The following RASAL2 variants were observed in gnomAD, a reference collection of about 807,000 sequenced individuals.
The protein encoded by RASAL2 is ras GTPase-activating protein nGAP.
In RASAL2, 58 loss-of-function variants were observed where a neutral mutation model predicts 128.9. The observed-to-expected ratio is 0.45, with a 90% confidence interval of 0.36 to 0.56. The LOEUF (loss-of-function observed/expected upper bound fraction) is 0.56. Among genes scored for constraint, RASAL2 ranks in the 20% least tolerant of loss-of-function variants. The pLI, the probability that RASAL2 is intolerant of heterozygous loss-of-function variation, is 0.00. For synonymous variants in RASAL2, 561 were observed against 580.8 expected, an observed-to-expected ratio of 0.97 and a Z score of 0.49; for missense variants, 1,360 against 1,601.6, an observed-to-expected ratio of 0.85 and a Z score of 2.57.
At chr1:178,422,283 T>C (rs970363203) in intron 5 of RASAL2, among the ~76,000 whole-genome samples, 9 of 152,114 alleles carry the variant, frequency 5.9e-5, no homozygotes, top group Non-Finnish European at 1.0e-4. Flanking sequence ...GAGTCTCTTG[T>C]ATTTCTATTA....
chr1:178,313,192 T>C (rs1020697588), intron 3 of RASAL2, among the ~76,000 whole-genome samples: 10 of 152,162 alleles, frequency 6.6e-5, no homozygotes, highest in Non-Finnish European at 2.9e-5. Context: ...TGTAACTATA[T>C]AGGGAAGGTG....
chr1:178,135,496 T>TAAAAAA lies in RASAL2; in HGVS notation c.202+40817_202+40822dup, dbSNP rs1207102103. On this transcript the variant is annotated intron_variant, in intron 1 of 17. Transcript: ENST00000367649. ...GAATGTTGAAAATCTTGTCTCTTCA[T>TAAAAAA]AAAAAAAAAAAAAAAAAAAAGCCAT... is the stretch of plus-strand genomic sequence containing the variant. 4.6e-4 allele frequency among the ~76,000 whole-genome samples: 53 copies of TAAAAAA among 116,254 alleles called. 1 individual carries two copies. Among genetic ancestry groups the TAAAAAA allele is most frequent in the Middle Eastern group, 5.6e-3 (1 of 178 alleles). The allele number at this position is 116,254 out of a possible 152,430, so 76.3% of individuals were successfully genotyped here.
At chr1:178,297,446 A>T (rs76617541) in intron 2 of RASAL2, among the ~76,000 whole-genome samples, 2 of 144,132 alleles carry the variant, frequency 1.4e-5, no homozygotes, top group African/African-American at 2.5e-5. Context: ...TACTAAAAAT[A>T]AAAAAAAAAA....
At chr1:178,150,218 G>A (rs182839725) in intron 1 of RASAL2, among the ~76,000 whole-genome samples, 25 of 151,512 alleles carry the variant, frequency 1.7e-4, no homozygotes, top group Admixed American at 2.6e-4. Context: ...TTTTTGCGAC[G>A]GAGTCTCACT....
chr1:178,212,323 ATAAC>A (rs1434081237), intron 1 of RASAL2, among the ~76,000 whole-genome samples: 1 of 152,244 alleles, frequency 6.6e-6, no homozygotes, highest in Non-Finnish European at 1.5e-5. Context: ...ACAAGCATAA[ATAAC>A]TGAAACAAAT....
At chr1:178,184,089 G>T (rs1040915859) in intron 1 of RASAL2, among the ~76,000 whole-genome samples, 1 of 152,116 alleles carries the variant, frequency 6.6e-6, no homozygotes, top group Admixed American at 6.6e-5. Context: ...TTTGCTATCT[G>T]TGTATTTTCT....
intron 1 of RASAL2, among the ~76,000 whole-genome samples, chr1:178,113,644 A>C (rs1482162835): frequency 1.3e-5 from 2 of 151,516 alleles, no homozygotes. Flanking sequence ...TCGCCTCCAA[A>C]CGTGCTGGGA....
At chr1:178,396,153 A>G (rs950113902) in intron 4 of RASAL2, among the ~76,000 whole-genome samples, 1 of 152,118 alleles carries the variant, frequency 6.6e-6, no homozygotes, top group African/African-American at 2.4e-5. Flanking sequence ...ACTTGAAAGA[A>G]TTAAAGAATG....
intron 1 of RASAL2, among the ~76,000 whole-genome samples, chr1:178,200,624 A>G (rs563261057): frequency 1.2e-4 from 18 of 152,308 alleles, no homozygotes; most frequent in Middle Eastern, 3.4e-3. Context: ...GTGGGAAAAC[A>G]GACAGAAGCT....
chr1:178,100,992 T>C (rs1256193312), intron 1 of RASAL2, among the ~76,000 whole-genome samples: 1 of 152,202 alleles, frequency 6.6e-6, no homozygotes, highest in Non-Finnish European at 1.5e-5. Context: ...GGATAATTGC[T>C]GTCTGATGTT....
chr1:178,186,374 C>T (rs948440153), intron 1 of RASAL2, among the ~76,000 whole-genome samples: 3 of 151,792 alleles, frequency 2.0e-5, no homozygotes, highest in East Asian at 1.9e-4. Flanking sequence ...GTTTTCATTT[C>T]CATTGATTTC....
At chr1:178,191,459 T>C (rs1386920933) in intron 1 of RASAL2, among the ~76,000 whole-genome samples, 1 of 152,214 alleles carries the variant, frequency 6.6e-6, no homozygotes, top group Non-Finnish European at 1.5e-5. Flanking sequence ...TCCTCTATTA[T>C]TATATCCATC....
chr1:178,349,982 C>T (rs909548639), intron 3 of RASAL2, among the ~76,000 whole-genome samples: 18 of 152,198 alleles, frequency 1.2e-4, no homozygotes, highest in Non-Finnish European at 1.8e-4. Context: ...CTTATCTTCT[C>T]AGATTAAGCT....
At chr1:178,180,432 G>A in intron 1 of RASAL2, among the ~76,000 whole-genome samples, 1 of 134,946 alleles carries the variant, frequency 7.4e-6, no homozygotes, top group Non-Finnish European at 1.5e-5. Context: ...TGGATCGCTT[G>A]AGTCCAGGAA....
chr1:178,382,283 G>A (rs536371279), intron 3 of RASAL2, among the ~76,000 whole-genome samples: 1 of 151,918 alleles, frequency 6.6e-6, no homozygotes, highest in Non-Finnish European at 1.5e-5. Context: ...GTAAACTTTT[G>A]TCCCTTGTTA....
rs555421481 is a variant in RASAL2 at position 178,158,476 on chromosome 1, T to C, written c.202+63782T>C. Among the ~76,000 whole-genome samples, 166 of 152,118 alleles carry C rather than the reference T, an allele frequency of 1.1e-3. 1 individual carries two copies. The highest frequency in any genetic ancestry group is 3.7e-3 in the African/African-American group (155 of 41,498). ...TTAGACCAACTTGGGTTCAAAATCC[T>C]GTTCTGCCTCATACCTTGAGCATCC... On this transcript the variant is annotated intron_variant, in intron 1 of 17. Transcript: ENST00000367649.
At chr1:178,443,337 G>A in intron 8 of RASAL2, 108 bp downstream of exon 8, 1 of 1,018,518 alleles carries the variant, frequency 9.8e-7, no homozygotes, top group South Asian at 2.0e-5. Context: ...CTTTACTATT[G>A]GTCAAAACAA....
intron 2 of RASAL2, among the ~76,000 whole-genome samples, chr1:178,294,004 T>C (rs1470251069): frequency 6.6e-6 from 1 of 151,878 alleles, no homozygotes; most frequent in Non-Finnish European, 1.5e-5. Flanking sequence ...GAGAACAAAC[T>C]AAGCCATGGC....
At chr1:178,403,424 G>C (rs1474359740) in intron 4 of RASAL2, among the ~76,000 whole-genome samples, 1 of 152,116 alleles carries the variant, frequency 6.6e-6, no homozygotes, top group Non-Finnish European at 1.5e-5. Context: ...TTTTCTGTTT[G>C]CCTTCAGGAG....
Sources: allele counts gnomAD v4.1 joint callset (sites outside exome capture counted in the v4.1 genomes callset), GRCh38; gene constraint gnomAD v4.1.1; transcripts MANE v1.5; gene names NCBI Gene and HGNC (gene_info 2026-07-23, HGNC 2026-07-21).